Variants in CLEC9A observed in about 807,000 individuals in gnomAD.
CLEC9A encodes C-type lectin domain containing 9A.
CLEC9A carries 24 observed loss-of-function variants against 30.0 expected under a neutral mutation model. The ratio of observed to expected loss-of-function variants is 0.80; its 90% CI spans 0.58 to 1.13. The LOEUF (loss-of-function observed/expected upper bound fraction) is 1.13. Ranked by LOEUF, CLEC9A falls within the 50% of genes most tolerant of loss-of-function variation. The probability of loss-of-function intolerance (pLI) is 0.00; values close to 1 mark genes in which losing one functional copy is unlikely to be tolerated. For missense variants in CLEC9A, 251 were observed against 280.9 expected (o/e 0.89, Z 0.76); for synonymous variants, 111 against 96.8 (o/e 1.15, Z -0.86).
At chr12:10,048,366 GAAA>G (rs35035367) in intron 2 of CLEC9A, among the ~76,000 whole-genome samples, 4 of 128,642 alleles carry the variant, frequency 3.1e-5, no homozygotes, top group Admixed American at 7.7e-5. Context: ...GTGAGATTCC[GAAA>G]AAAAAAAAAA....
intron 3 of CLEC9A, chr12:10,052,393 T>A (rs1865900901): frequency 1.7e-6 from 1 of 603,586 alleles, no homozygotes; most frequent in Non-Finnish European, 2.2e-6. Context: ...GCTATCACCT[T>A]CAACATCTGC....
At chr12:10,037,835 G>T (rs1252315573) in intron 1 of CLEC9A, among the ~76,000 whole-genome samples, 2 of 152,150 alleles carry the variant, frequency 1.3e-5, no homozygotes, top group Non-Finnish European at 2.9e-5. Flanking sequence ...ATTATCAAAG[G>T]TAACTCTATG....
chr12:10,057,747 T>C (rs1002998639), intron 5 of CLEC9A, among the ~76,000 whole-genome samples: 1 of 152,054 alleles, frequency 6.6e-6, no homozygotes, highest in African/African-American at 2.4e-5. Context: ...TGGCCATTAT[T>C]TGAGTGGTAG....
intron 1 of CLEC9A, among the ~76,000 whole-genome samples, chr12:10,031,502 C>T (rs1027314936): frequency 3.9e-5 from 6 of 152,210 alleles, no homozygotes; most frequent in Admixed American, 2.6e-4. Flanking sequence ...GCTTTAGTGA[C>T]TCTGCTGACT....
chr12:10,038,895 C>T (rs2054888), intron 1 of CLEC9A, among the ~76,000 whole-genome samples: 89,248 of 143,538 alleles, frequency 0.62, 26,013 homozygotes, highest in Middle Eastern at 0.73. Flanking sequence ...AGTAATATTT[C>T]AGCTTGGAGA....
chr12:10,061,505 A>C (rs1007481224), intron 6 of CLEC9A, among the ~76,000 whole-genome samples: 10 of 152,180 alleles, frequency 6.6e-5, no homozygotes, highest in African/African-American at 2.4e-4. Flanking sequence ...CAAATGCCAA[A>C]GAGGTGTGTG....
intron 4 of CLEC9A, 32 bp downstream of exon 4, chr12:10,052,810 T>TTAGAG: frequency 6.2e-7 from 1 of 1,600,460 alleles, no homozygotes; most frequent in Non-Finnish European, 8.5e-7. Context: ...GTGTGAGACT[T>TTAGAG]TAGAGTTCAT....
chr12:10,041,138 C>G (rs1190302708), intron 1 of CLEC9A, among the ~76,000 whole-genome samples: 1 of 151,912 alleles, frequency 6.6e-6, no homozygotes, highest in African/African-American at 2.4e-5. Context: ...CCCAGCTACT[C>G]GGGAGGCTGA....
At position 10,064,809 on chromosome 12, in the gene CLEC9A, C is replaced by T. The variant is rs746436502; in HGVS notation, c.549C>T (p.Ser183=). Residue 183 remains serine, a synonymous_variant, in exon 8 of 9, where the codon AGC becomes AGT. Transcript: ENST00000355819. ...TGGGGTTGTCTCAGGATGGACACAG[C>T]GGACGCTGGCTTTGGCAAGATGGCT... The part of the protein sequence containing the change: ...YWVGLSQDGH[S]GRWLWQDGSS... The T allele has an allele frequency of 7.4e-6, 12 of 1,613,022 alleles. No homozygotes were observed. Among genetic ancestry groups the T allele is most frequent in the Middle Eastern group, 1.6e-4 (1 of 6,072 alleles).
At chr12:10,050,418 C>G (rs981591022) in intron 2 of CLEC9A, among the ~76,000 whole-genome samples, 3 of 152,110 alleles carry the variant, frequency 2.0e-5, no homozygotes, top group Non-Finnish European at 2.9e-5. Flanking sequence ...CGCAATAATG[C>G]AAAGCTCAAT....
At chr12:10,058,942 T>A (rs932072145) in intron 5 of CLEC9A, among the ~76,000 whole-genome samples, 4 of 152,226 alleles carry the variant, frequency 2.6e-5, no homozygotes, top group African/African-American at 9.7e-5. Flanking sequence ...TTTGTTCTCC[T>A]CTTTTGTTGT....
chr12:10,065,551 A>G lies in CLEC9A; in HGVS notation c.645A>G (p.Lys215=). 2 of 1,614,022 alleles carry G rather than the reference A, an allele frequency of 1.2e-6. No individual in the cohort carries two copies. Among genetic ancestry groups the G allele is most frequent in the Non-Finnish European group, 1.7e-6 (2 of 1,179,906 alleles). Residue 215 remains lysine (K), a synonymous_variant, in exon 9 of 9, where the codon AAA becomes AAG. Coordinates refer to ENST00000355819, the MANE Select transcript of CLEC9A (RefSeq NM_207345.4). ...QSANQVCGYV[K]SNSLLSSNCS... is the part of the protein sequence containing the mutation. ...CTAACCAAGTCTGTGGATACGTGAAAAGCAATTCCCTTCTTTCGTCTAACT... is the reference window on the plus strand; with the variant it reads ...CTAACCAAGTCTGTGGATACGTGAAGAGCAATTCCCTTCTTTCGTCTAACT...
chr12:10,050,610 G>A (rs949572507), intron 2 of CLEC9A, among the ~76,000 whole-genome samples: 2 of 152,148 alleles, frequency 1.3e-5, no homozygotes, highest in African/African-American at 4.8e-5. Context: ...TCCTTCATTG[G>A]GAGAAGCCAA....
At chr12:10,033,019 C>T (rs1865713523) in intron 1 of CLEC9A, among the ~76,000 whole-genome samples, 1 of 152,074 alleles carries the variant, frequency 6.6e-6, no homozygotes, top group Admixed American at 6.5e-5. Flanking sequence ...GTCAAAGTCA[C>T]CATTAACCTC....
At chr12:10,044,096 C>T (rs1865823808) in intron 2 of CLEC9A, among the ~76,000 whole-genome samples, 1 of 152,180 alleles carries the variant, frequency 6.6e-6, no homozygotes, top group Admixed American at 6.5e-5. Context: ...TCCTTCAAGT[C>T]TCCAAGAATT....
chr12:10,053,370 C>A (rs1202337064), intron 4 of CLEC9A, among the ~76,000 whole-genome samples: 1 of 152,118 alleles, frequency 6.6e-6, no homozygotes, highest in Non-Finnish European at 1.5e-5. Flanking sequence ...AGACTCTATC[C>A]CTTGTCTTTT....
chr12:10,052,876 A>T lies in CLEC9A; in HGVS notation c.91+98A>T, dbSNP rs982270866. 7 of 1,337,684 alleles carry T rather than the reference A, an allele frequency of 5.2e-6. No individual in the cohort carries two copies. The South Asian group carries it at 9.7e-5, about 19-fold the overall frequency. The allele number at this position is 1,337,684 out of a possible 1,614,324, so 82.9% of individuals were successfully genotyped here. A position where few individuals can be genotyped will look rare whatever the true frequency, so the allele number is the denominator to read the frequency against. ...GCCAAGATGTTTATTCTAATCCGAG[A>T]TAATCTACCTAAGGGTACTGTAATG... is the stretch of plus-strand genomic sequence containing the variant. On this transcript the variant is annotated intron_variant, in intron 4 of 8. Transcript: ENST00000355819.
chr12:10,045,214 G>A (rs1338976073), intron 2 of CLEC9A, among the ~76,000 whole-genome samples: 5 of 152,098 alleles, frequency 3.3e-5, no homozygotes, highest in Non-Finnish European at 7.4e-5. Context: ...CATTATTTCA[G>A]AGCTATCTCA....
intron 1 of CLEC9A, among the ~76,000 whole-genome samples, chr12:10,038,976 C>G (rs529610647): frequency 2.2e-4 from 33 of 152,332 alleles, no homozygotes; most frequent in South Asian, 6.2e-4. Context: ...TGATGATCAT[C>G]AGGAGAACAC....
Sources: allele counts gnomAD v4.1 joint callset (sites outside exome capture counted in the v4.1 genomes callset), GRCh38; gene constraint gnomAD v4.1.1; transcripts MANE v1.5; gene names NCBI Gene and HGNC (gene_info 2026-07-23, HGNC 2026-07-21).